Variants in EXOC6 observed in about 807,000 individuals in gnomAD.
EXOC6 encodes SEC15-like 1.
In EXOC6, 60 loss-of-function variants were observed where a neutral mutation model predicts 112.5. The observed-to-expected ratio is 0.53, with a 90% CI of 0.43 to 0.66. The LOEUF (loss-of-function observed/expected upper bound fraction) is 0.66, where lower values mean the gene tolerates loss of function less well. Among genes scored for constraint, EXOC6 ranks in the 30% least tolerant of loss-of-function variants. The pLI is 0.00. For missense variants in EXOC6, 855 were observed against 957.1 expected (o/e 0.89, Z 1.41); for synonymous variants, 295 against 308.0 (o/e 0.96, Z 0.44).
intron 1 of EXOC6, among the ~76,000 whole-genome samples, chr10:92,853,067 A>C (rs1414186457): frequency 6.6e-6 from 1 of 152,222 alleles, no homozygotes; most frequent in Non-Finnish European, 1.5e-5. Flanking sequence ...TGTAGGAATC[A>C]GGTGGATATG....
intron 1 of EXOC6, among the ~76,000 whole-genome samples, chr10:92,854,252 A>G (rs137900993): frequency 0.014 from 2,175 of 152,120 alleles, 51 homozygotes; most frequent in African/African-American, 0.05. Context: ...ATCCTGGCCA[A>G]TGTGGTGAAA....
intron 18 of EXOC6, among the ~76,000 whole-genome samples, chr10:92,993,443 A>G (rs1843351558): frequency 6.6e-6 from 1 of 152,196 alleles, no homozygotes; most frequent in South Asian, 2.1e-4. Context: ...AGTGCTTTCA[A>G]ATAATTACTG....
chr10:92,887,389 A>C (rs899466871), intron 1 of EXOC6, among the ~76,000 whole-genome samples: 124 of 117,138 alleles, frequency 1.1e-3, no homozygotes, highest in Admixed American at 1.7e-3. Context: ...TGATTAATTT[A>C]ATTTTTTTTT....
chr10:92,998,736 A>G (rs926011389), intron 19 of EXOC6, among the ~76,000 whole-genome samples: 2 of 152,060 alleles, frequency 1.3e-5, no homozygotes, highest in Admixed American at 6.5e-5. Flanking sequence ...CAAAAGAAAA[A>G]TGGTTTTTTT....
At chr10:92,887,902 A>G (rs1264984046) in intron 1 of EXOC6, among the ~76,000 whole-genome samples, 1 of 152,030 alleles carries the variant, frequency 6.6e-6, no homozygotes, top group African/African-American at 2.4e-5. Flanking sequence ...TGGAACTTTT[A>G]TTCACCTTGA....
chr10:92,971,657 C>T (rs781720359), intron 17 of EXOC6, among the ~76,000 whole-genome samples: 24 of 152,160 alleles, frequency 1.6e-4, no homozygotes, highest in South Asian at 1.0e-3. Flanking sequence ...TAGGATTACA[C>T]GCGTCACTTA....
intron 5 of EXOC6, among the ~76,000 whole-genome samples, chr10:92,902,505 G>C (rs988808914): frequency 2.6e-5 from 4 of 151,716 alleles, no homozygotes; most frequent in Non-Finnish European, 4.4e-5. Context: ...ATTTCTAGGA[G>C]CTCTTTTTTG....
chr10:93,015,477 T>G (rs1256574739), intron 20 of EXOC6, among the ~76,000 whole-genome samples: 1 of 152,208 alleles, frequency 6.6e-6, no homozygotes, highest in Non-Finnish European at 1.5e-5. Flanking sequence ...GGCTGGGCTG[T>G]TATCCCAGCA....
chr10:92,909,540 A>G lies in EXOC6; in HGVS notation c.572A>G (p.Asp191Gly), dbSNP rs1850624817. ...GAAAATCTTCCCAAACTCCGTGAGG[A>G]TATTAAAGAAATCTCCATGTCTGAT... ...MIENLPKLRE[D>G]IKEISMSDLK... is the part of the protein sequence containing the mutation. The change falls in exon 6 of 22, where the codon GAT (aspartate) becomes GGT (glycine). Residue 191 changes from aspartate to glycine, a missense_variant. Physicochemically the swap from Asp to Gly is moderately conservative, Grantham distance 94 (BLOSUM62 -1). Transcript: ENST00000260762. The G allele has an allele frequency of 1.2e-6, 2 of 1,613,282 alleles. No homozygotes were observed. Among genetic ancestry groups the G allele is most frequent in the African/African-American group, 2.7e-5 (2 of 74,894 alleles).
intron 18 of EXOC6, among the ~76,000 whole-genome samples, chr10:92,976,458 G>A (rs1842613535): frequency 6.6e-6 from 1 of 151,858 alleles, no homozygotes; most frequent in Non-Finnish European, 1.5e-5. Context: ...ACAGATGCTT[G>A]AAGGCAGCAT....
rs562479035 is a variant in EXOC6, at chr10:92,937,657, G to A, written c.1212+1772G>A. 1.8e-3 allele frequency among the ~76,000 whole-genome samples: 276 copies of A among 152,246 alleles called. 1 individual carries two copies. Among genetic ancestry groups the A allele is most frequent in the Non-Finnish European group, 3.0e-3 (202 of 68,000 alleles). Reference sequence around the variant, plus strand: ...TGTTTTCATAAATTTTGTGATGACTGTATAATACTGATCTCGCTGCAAGAA... The same window carrying A: ...TGTTTTCATAAATTTTGTGATGACTATATAATACTGATCTCGCTGCAAGAA... On this transcript the variant is annotated intron_variant, in intron 12 of 21. Transcript: ENST00000260762.
At chr10:92,910,712 GA>G (rs1338421411) in intron 6 of EXOC6, among the ~76,000 whole-genome samples, 18 of 152,212 alleles carry the variant, frequency 1.2e-4, no homozygotes, top group Non-Finnish European at 2.5e-4. Context: ...GGCAGATCAC[GA>G]GGTCAGGAGA....
At chr10:92,930,884 C>T (rs181702734) in intron 9 of EXOC6, among the ~76,000 whole-genome samples, 62 of 151,974 alleles carry the variant, frequency 4.1e-4, no homozygotes, top group African/African-American at 1.2e-3. Flanking sequence ...GAGGCCAAGG[C>T]GGGCGGATCA....
intron 20 of EXOC6, among the ~76,000 whole-genome samples, chr10:93,028,408 G>T (rs995754237): frequency 2.0e-5 from 3 of 152,182 alleles, no homozygotes; most frequent in African/African-American, 7.2e-5. Flanking sequence ...TAGAACTGGA[G>T]CCTGAAAATG....
chr10:92,884,276 GC>G (rs1849101700), intron 1 of EXOC6, among the ~76,000 whole-genome samples: 1 of 152,200 alleles, frequency 6.6e-6, no homozygotes, highest in Non-Finnish European at 1.5e-5. Context: ...CAGTGTCAAT[GC>G]CCAGGGATTC....
chr10:92,996,125 A>G (rs1264604479), intron 18 of EXOC6, among the ~76,000 whole-genome samples: 1 of 152,146 alleles, frequency 6.6e-6, no homozygotes, highest in Non-Finnish European at 1.5e-5. Flanking sequence ...ATCAAATATG[A>G]CTGGGTAAAT....
chr10:93,037,377 C>T (rs934777936), intron 20 of EXOC6, among the ~76,000 whole-genome samples: 3 of 151,232 alleles, frequency 2.0e-5, no homozygotes, highest in Non-Finnish European at 4.4e-5. Context: ...TGGCCTCAAG[C>T]GATCCACCTC....
intron 1 of EXOC6, among the ~76,000 whole-genome samples, chr10:92,853,476 A>T (rs575830496): frequency 1.1e-4 from 17 of 152,234 alleles, no homozygotes; most frequent in Non-Finnish European, 2.1e-4. Flanking sequence ...TGGAGGACCC[A>T]TAGACCTGAT....
chr10:92,867,126 T>C (rs1589728384), intron 1 of EXOC6, among the ~76,000 whole-genome samples: 2 of 152,120 alleles, frequency 1.3e-5, no homozygotes, highest in African/African-American at 4.8e-5. Flanking sequence ...GTCACAGAGA[T>C]AGAAAAACTC....
Sources: allele counts gnomAD v4.1 joint callset (sites outside exome capture counted in the v4.1 genomes callset), GRCh38; gene constraint gnomAD v4.1.1; transcripts MANE v1.5; gene names NCBI Gene and HGNC (gene_info 2026-07-23, HGNC 2026-07-21).